Variants in PDIA5 observed in about 807,000 individuals in gnomAD.
The protein encoded by PDIA5 is protein disulfide-isomerase A5.
In PDIA5, 58 loss-of-function variants were observed where a neutral mutation model predicts 77.6. The ratio of observed to expected loss-of-function variants is 0.75; its 90% CI spans 0.61 to 0.93. The LOEUF (loss-of-function observed/expected upper bound fraction) is 0.93. PDIA5 is among the 40% of genes least tolerant of loss of function. The pLI is 0.00. For synonymous variants in PDIA5, 250 were observed against 252.1 expected (o/e 0.99, Z 0.08); for missense variants, 630 against 647.7 (o/e 0.97, Z 0.30).
intron 5 of PDIA5, 81 bp downstream of exon 5, chr3:123,102,877 AG>A: frequency 1.2e-6 from 1 of 867,082 alleles, no homozygotes; most frequent in Admixed American, 1.8e-5. Context: ...CTCTGAGAAA[AG>A]AAAGGGCAGA....
Position 123,144,173 on chromosome 3 carries a change from C to T in PDIA5, c.911-1349C>T, listed in dbSNP as rs528433368. Among the ~76,000 whole-genome samples, 345 of 152,258 alleles carry T rather than the reference C, an allele frequency of 2.3e-3. 18 individuals carry two copies. The South Asian group carries it at 0.068, about 30-fold the overall frequency. The stretch of plus-strand genomic sequence containing the variant: ...GGTGCTCAGCTGGAGGCAGGAAAGC[C>T]GATTCCGTAGCTCAGTGGGAGGTCT... On this transcript the variant is annotated intron_variant, in intron 11 of 16. Coordinates refer to ENST00000316218, the MANE Select transcript of PDIA5 (RefSeq NM_006810.4).
intron 1 of PDIA5, 129 bp from the exon 2 acceptor site, chr3:123,089,039 A>C: frequency 1.3e-6 from 1 of 778,092 alleles, no homozygotes; most frequent in Non-Finnish European, 2.1e-6. Context: ...GGTGTGGTGC[A>C]TGAGATGTGT....
chr3:123,150,343 T>C lies in PDIA5; in HGVS notation c.1252T>C (p.Leu418=). 1.2e-6 allele frequency: 2 copies of C among 1,613,704 alleles called. No homozygotes were observed. Among genetic ancestry groups the C allele is most frequent in the Non-Finnish European group, 1.7e-6 (2 of 1,179,798 alleles). ...RETLKKKKHT[L]VMFYAPWCPH... Reference sequence around the variant, plus strand: ...GACCCTGAAGAAGAAGAAACACACCTTGGTCATGTTCTACGCCCCTTGTAA... The same window carrying C: ...GACCCTGAAGAAGAAGAAACACACCCTGGTCATGTTCTACGCCCCTTGTAA... Residue 418 remains leucine (L), a synonymous_variant, in exon 14 of 17, where the codon TTG becomes CTG. Transcript: ENST00000316218.
chr3:123,112,434 C>T (rs534358310), intron 7 of PDIA5, among the ~76,000 whole-genome samples: 20 of 152,100 alleles, frequency 1.3e-4, no homozygotes, highest in African/African-American at 3.9e-4. Flanking sequence ...CTGGGGATGA[C>T]GCCCCCCAGC....
intron 3 of PDIA5, among the ~76,000 whole-genome samples, chr3:123,101,047 C>T (rs1934578180): frequency 1.3e-5 from 2 of 152,178 alleles, no homozygotes; most frequent in Non-Finnish European, 1.5e-5. Context: ...CAAGAGCTCT[C>T]TGACTGGCTG....
At chr3:123,085,282 TG>T (rs1934108535) in intron 1 of PDIA5, among the ~76,000 whole-genome samples, 1 of 152,138 alleles carries the variant, frequency 6.6e-6, no homozygotes, top group Non-Finnish European at 1.5e-5. Context: ...CTCTTAATCT[TG>T]GGGATGGGGG....
At position 123,113,135 on chromosome 3, in the gene PDIA5, C is replaced by G. The variant is rs117440699; in HGVS notation, c.541+2131C>G. Among the ~76,000 whole-genome samples the G allele has an allele frequency of 7.2e-5, 11 of 152,334 alleles. No individual in the cohort carries two copies. In the East Asian group the frequency reaches 2.1e-3, roughly 29 times the overall value. ...TTTAGGAATTATTCTGTCCACACAG[C>G]CCCTAGAGGATGGGCCTCCTTTGGT... is the stretch of plus-strand genomic sequence containing the variant. On this transcript the variant is annotated intron_variant, in intron 7 of 16. Transcript: ENST00000316218.
At chr3:123,080,151 T>G in intron 1 of PDIA5, among the ~76,000 whole-genome samples, 1 of 151,256 alleles carries the variant, frequency 6.6e-6, no homozygotes, top group South Asian at 2.1e-4. Flanking sequence ...CAGATGGGTG[T>G]GTGTGTGGGG....
intron 1 of PDIA5, among the ~76,000 whole-genome samples, chr3:123,087,444 G>T (rs1466351502): frequency 5.7e-5 from 8 of 140,062 alleles, no homozygotes; most frequent in Middle Eastern, 3.6e-3. Context: ...TTTATTTCTT[G>T]ATCTTTTTGT....
At chr3:123,154,127 C>CA (rs1935969613) in intron 14 of PDIA5, among the ~76,000 whole-genome samples, 1 of 152,164 alleles carries the variant, frequency 6.6e-6, no homozygotes, top group Non-Finnish European at 1.5e-5. Flanking sequence ...GAAAGTGGCC[C>CA]CCACAGAGGT....
intron 10 of PDIA5, among the ~76,000 whole-genome samples, chr3:123,127,740 G>C (rs1229836828): frequency 6.6e-6 from 1 of 152,174 alleles, no homozygotes; most frequent in African/African-American, 2.4e-5. Context: ...TCTTAATGCA[G>C]TTTGGAATAT....
intron 1 of PDIA5, among the ~76,000 whole-genome samples, chr3:123,073,119 AT>A (rs1933768068): frequency 6.6e-6 from 1 of 152,204 alleles, no homozygotes; most frequent in Non-Finnish European, 1.5e-5. Flanking sequence ...AATCGGATGC[AT>A]TTGTAGAGGG....
At chr3:123,115,580 G>A (rs1258104163) in intron 7 of PDIA5, among the ~76,000 whole-genome samples, 1 of 152,208 alleles carries the variant, frequency 6.6e-6, no homozygotes, top group Non-Finnish European at 1.5e-5. Context: ...AGCCCAGAGA[G>A]AGGAGGTGAC....
At chr3:123,154,164 G>A (rs145205444) in intron 14 of PDIA5, among the ~76,000 whole-genome samples, 152 of 152,294 alleles carry the variant, frequency 1.0e-3, no homozygotes, top group African/African-American at 3.3e-3. Context: ...AGACACTGAG[G>A]TCAGAGTTGG....
At chr3:123,135,604 T>C (rs1346610861) in intron 11 of PDIA5, among the ~76,000 whole-genome samples, 1 of 151,170 alleles carries the variant, frequency 6.6e-6, no homozygotes, top group Non-Finnish European at 1.5e-5. Context: ...TGCTGTCATC[T>C]TTTTTTTTAA....
rs72974434 is a variant in PDIA5, at chr3:123,088,116, C to A, written c.43-1052C>A. ...TCTGCCGGGTTATCTCCCAGTGGAA[C>A]TTTTCTTACTCAATCTCTCCATATA... On this transcript the variant is annotated intron_variant, in intron 1 of 16. Coordinates refer to ENST00000316218, the MANE Select transcript of PDIA5 (RefSeq NM_006810.4). Among the ~76,000 whole-genome samples, 1,513 of 152,302 alleles carry A rather than the reference C, an allele frequency of 9.9e-3. 26 individuals are homozygous for A. The highest frequency in any genetic ancestry group is 0.034 in the African/African-American group (1,426 of 41,550).
chr3:123,069,322 G>A (rs747760450), intron 1 of PDIA5, among the ~76,000 whole-genome samples: 8 of 152,166 alleles, frequency 5.3e-5, no homozygotes, highest in Non-Finnish European at 2.9e-5. Context: ...GCAGGGATTC[G>A]TGTACAGGGA....
chr3:123,085,251 G>GGA (rs1934107745), intron 1 of PDIA5, among the ~76,000 whole-genome samples: 1 of 152,202 alleles, frequency 6.6e-6, no homozygotes, highest in African/African-American at 2.4e-5. Flanking sequence ...CCTTGTGTGG[G>GGA]GGCCCTGCCC....
chr3:123,109,641 A>G (rs984725213), intron 6 of PDIA5, among the ~76,000 whole-genome samples: 6 of 152,310 alleles, frequency 3.9e-5, no homozygotes, highest in East Asian at 1.9e-4. Flanking sequence ...AAAAATTTTA[A>G]GTTAATGCAC....
Sources: allele counts gnomAD v4.1 joint callset (sites outside exome capture counted in the v4.1 genomes callset), GRCh38; gene constraint gnomAD v4.1.1; transcripts MANE v1.5; gene names NCBI Gene and HGNC (gene_info 2026-07-23, HGNC 2026-07-21).